The following TNS3 variants were observed in gnomAD, a reference collection of about 807,000 sequenced individuals.
TNS3 encodes tensin-3.
A neutral mutation model predicts 140.9 loss-of-function variants in TNS3; 45 were observed. The observed-to-expected ratio is 0.32, with a 90% CI of 0.25 to 0.41. The LOEUF (loss-of-function observed/expected upper bound fraction) is 0.41. Ranked by LOEUF, TNS3 falls within the 10% of genes least tolerant of loss-of-function variation. The pLI is 1.00. For synonymous variants in TNS3, 815 were observed against 788.4 expected (o/e 1.03, Z -0.56); for missense variants, 1,716 against 1,906.7 (o/e 0.90, Z 1.86).
At chr7:47,311,951 A>G (rs763729582) in intron 20 of TNS3, among the ~76,000 whole-genome samples, 25 of 152,238 alleles carry the variant, frequency 1.6e-4, no homozygotes, top group Non-Finnish European at 2.1e-4. Context: ...AAAGGACGAG[A>G]CACCAATTTC....
At chr7:47,479,286 G>C (rs888391047) in intron 4 of TNS3, among the ~76,000 whole-genome samples, 43 of 152,264 alleles carry the variant, frequency 2.8e-4, no homozygotes, top group African/African-American at 9.4e-4. Context: ...CTGTCTGCGA[G>C]GTGGGAGAGC....
At chr7:47,389,484 C>T (rs192925324) in intron 16 of TNS3, among the ~76,000 whole-genome samples, 27 of 152,334 alleles carry the variant, frequency 1.8e-4, no homozygotes, top group Non-Finnish European at 3.1e-4. Flanking sequence ...CAAACTTGTA[C>T]AGGACAACAT....
At chr7:47,447,628 T>C (rs1441217936) in intron 4 of TNS3, among the ~76,000 whole-genome samples, 3 of 152,188 alleles carry the variant, frequency 2.0e-5, no homozygotes, top group Non-Finnish European at 4.4e-5. Context: ...AGTGGCCCTA[T>C]GGCACATGGT....
chr7:47,490,920 ACCAGAATGCCAT>A (rs1797788908), intron 3 of TNS3, among the ~76,000 whole-genome samples: 1 of 152,228 alleles, frequency 6.6e-6, no homozygotes, highest in Non-Finnish European at 1.5e-5. Flanking sequence ...TGTGTTGGGC[ACCAGAATGCCAT>A]CCTTCAGTGC....
At position 47,303,511 on chromosome 7, in the gene TNS3, G is replaced by A. The variant is rs1200846962; in HGVS notation, c.2896C>T (p.Pro966Ser). ...TCAGCGCTGAGGGGACTTCCGGTGGGCCGGCCGCTCCCCAGCAGGGAAACC... is the reference window on the plus strand; with the variant it reads ...TCAGCGCTGAGGGGACTTCCGGTGGACCGGCCGCTCCCCAGCAGGGAAACC... ...PMVSLLGSGR[P>S]TGSPLSAEFS... The change falls in exon 22 of 31, where the codon CCC becomes TCC. Residue 966 changes from proline (P) to serine (S), a missense_variant. Around this residue, in one of 3 missense-constraint regions of TNS3, gnomAD observed 1,163 missense variants for 1,182.1 expected, o/e 0.98. Coordinates refer to ENST00000311160, the MANE Select transcript of TNS3 (RefSeq NM_022748.12). 6.2e-7 allele frequency: 1 copy of A among 1,607,620 alleles called. No homozygotes were observed. The highest frequency in any genetic ancestry group is 1.3e-5 in the African/African-American group (1 of 75,002).
At chr7:47,356,709 T>G (rs1790011750) in intron 17 of TNS3, among the ~76,000 whole-genome samples, 1 of 152,210 alleles carries the variant, frequency 6.6e-6, no homozygotes, top group African/African-American at 2.4e-5. Flanking sequence ...TCTCCCTATG[T>G]ATAGATATAA....
chr7:47,521,143 G>C (rs1184921022), intron 2 of TNS3, among the ~76,000 whole-genome samples: 1 of 152,124 alleles, frequency 6.6e-6, no homozygotes, highest in Non-Finnish European at 1.5e-5. Context: ...ATAAACAAAT[G>C]ATCAGAACAC....
At chr7:47,384,662 A>T (rs1047116190) in intron 16 of TNS3, among the ~76,000 whole-genome samples, 2 of 152,160 alleles carry the variant, frequency 1.3e-5, no homozygotes, top group African/African-American at 4.8e-5. Context: ...TCCTTTCTCT[A>T]GCAGCCGCTA....
chr7:47,311,170 T>C (rs935382004), intron 20 of TNS3, among the ~76,000 whole-genome samples: 2 of 152,226 alleles, frequency 1.3e-5, no homozygotes, highest in Non-Finnish European at 2.9e-5. Flanking sequence ...TTGAACTAGT[T>C]TACAGTCCCA....
At chr7:47,358,145 T>A (rs997197345) in intron 17 of TNS3, among the ~76,000 whole-genome samples, 7 of 149,000 alleles carry the variant, frequency 4.7e-5, no homozygotes, top group Non-Finnish European at 8.9e-5. Context: ...TAACACTTCA[T>A]CTTTTTTTTT....
At chr7:47,419,388 A>T (rs1293495498) in intron 10 of TNS3, among the ~76,000 whole-genome samples, 1 of 152,212 alleles carries the variant, frequency 6.6e-6, no homozygotes, top group Non-Finnish European at 1.5e-5. Context: ...CCTTTGCAAA[A>T]ATTTTAACAG....
chr7:47,428,290 C>T (rs370154054), intron 9 of TNS3, 22 bp downstream of exon 9: 23 of 1,404,970 alleles, frequency 1.6e-5, no homozygotes, highest in African/African-American at 1.2e-4. Flanking sequence ...CTCAAGACAG[C>T]GAGCTGACAT....
chr7:47,516,389 G>A (rs1379688430), intron 2 of TNS3, among the ~76,000 whole-genome samples: 1 of 152,072 alleles, frequency 6.6e-6, no homozygotes, highest in African/African-American at 2.4e-5. Flanking sequence ...TCAACTCAGT[G>A]AGCAGAGTCC....
At chr7:47,283,910 A>G (rs1785276009) in intron 27 of TNS3, 45 bp from the exon 28 acceptor site, 4 of 1,520,134 alleles carry the variant, frequency 2.6e-6, no homozygotes, top group Non-Finnish European at 3.5e-6. Flanking sequence ...AACTATTGGG[A>G]CAGGTGTGTC....
intron 16 of TNS3, among the ~76,000 whole-genome samples, chr7:47,387,503 C>T (rs1792144280): frequency 6.6e-6 from 1 of 152,238 alleles, no homozygotes. Flanking sequence ...GAGATGCAGG[C>T]CATGAGGGTG....
At chr7:47,471,812 T>A (rs1796966758) in intron 4 of TNS3, among the ~76,000 whole-genome samples, 3 of 152,132 alleles carry the variant, frequency 2.0e-5, no homozygotes, top group Admixed American at 2.0e-4. Context: ...TGGAGAGGTG[T>A]GAGCCAAAAA....
Position 47,435,378 on chromosome 7 carries a change from G to C in TNS3, c.228C>G (p.Leu76=), listed in dbSNP as rs1410964341. 3 of 1,613,796 alleles carry C rather than the reference G, an allele frequency of 1.9e-6. No homozygotes were observed. The African/African-American group carries it at 4.0e-5, about 22-fold the overall frequency. ...PKIMDVGWPE[L]HAPPLDKMCT... The stretch of plus-strand genomic sequence containing the variant: ...ACATCTTATCCAGGGGCGGTGCGTG[G>C]AGCTCTGGCCAGCCCACATCCATGA... Residue 76 remains leucine, a synonymous_variant, in exon 8 of 31, where the codon CTC becomes CTG. Coordinates refer to ENST00000311160, the MANE Select transcript of TNS3 (RefSeq NM_022748.12).
intron 1 of TNS3, among the ~76,000 whole-genome samples, chr7:47,574,658 C>T (rs558879449): frequency 1.3e-5 from 2 of 152,268 alleles, no homozygotes; most frequent in East Asian, 1.9e-4. Context: ...CCCCCACACA[C>T]ACGGTATTAT....
chr7:47,521,110 G>C (rs570608538), intron 2 of TNS3, among the ~76,000 whole-genome samples: 1 of 152,200 alleles, frequency 6.6e-6, no homozygotes, highest in Non-Finnish European at 1.5e-5. Flanking sequence ...AGGGGCAGTC[G>C]GCCCAGGGGA....
Sources: allele counts gnomAD v4.1 joint callset (sites outside exome capture counted in the v4.1 genomes callset), GRCh38; gene constraint gnomAD v4.1.1; regional missense constraint gnomAD v4.1.1; transcripts MANE v1.5; gene names NCBI Gene and HGNC (gene_info 2026-07-23, HGNC 2026-07-21).